STAT4: variants seen among roughly 807,000 people sequenced by gnomAD.
The protein encoded by STAT4 is signal transducer and activator of transcription 4.
STAT4 carries 42 observed loss-of-function variants against 110.5 expected under a neutral mutation model. The observed-to-expected ratio is 0.38, with a 90% confidence interval of 0.30 to 0.49. STAT4 has a LOEUF of 0.49. Among genes scored for constraint, STAT4 ranks in the 20% least tolerant of loss-of-function variants. STAT4 has a pLI of 0.95. For missense variants in STAT4, 632 were observed against 887.9 expected (o/e 0.71, Z 3.66); for synonymous variants, 284 against 302.2 (o/e 0.94, Z 0.63).
upstream of STAT4, chr2:191,151,338 A>C: frequency 2.0e-6 from 2 of 985,548 alleles, no homozygotes; most frequent in Non-Finnish European, 2.4e-6. The surrounding 1 kb of genome is among the most constrained non-coding windows in gnomAD (Gnocchi z 4.7). Context: ...ACTTACCTGG[A>C]GCCCAGTTCT....
chr2:191,041,925 T>G (rs1696210436), intron 14 of STAT4, among the ~76,000 whole-genome samples: 1 of 152,114 alleles, frequency 6.6e-6, no homozygotes, highest in Non-Finnish European at 1.5e-5. Flanking sequence ...GGGAACAAGG[T>G]CAAGCTGCAG....
intron 3 of STAT4, among the ~76,000 whole-genome samples, chr2:191,145,212 G>A (rs1699431291): frequency 6.6e-6 from 1 of 152,042 alleles, no homozygotes; most frequent in Admixed American, 6.6e-5. Flanking sequence ...TAGTGTAAAA[G>A]CAATCATAAA....
Position 191,146,469 on chromosome 2 carries a change from T to G in STAT4, c.273+144A>C, listed in dbSNP as rs145241156. ...CATGAAAAATGTTAGGTAATAAAAT[T>G]GAGCACAAAATTTGTAAGTGGTAAG... On this transcript the variant is annotated intron_variant, in intron 3 of 23. Coordinates refer to ENST00000392320, the MANE Select transcript of STAT4 (RefSeq NM_003151.4). The surrounding 1 kb of genome is among the most constrained non-coding windows in gnomAD (Gnocchi z 4.5). 902 of 687,088 alleles carry G rather than the reference T, an allele frequency of 1.3e-3. 8 individuals are homozygous for G. Among genetic ancestry groups the G allele is most frequent in the East Asian group, 6.2e-3 (187 of 30,250 alleles). 42.6% of individuals were successfully genotyped at this position (687,088 alleles called of 1,614,324 possible).
At position 191,142,793 on chromosome 2, in the gene STAT4, C is replaced by T. The variant is rs1187121145; in HGVS notation, c.273+3820G>A. On this transcript the variant is annotated intron_variant, in intron 3 of 23. Coordinates refer to ENST00000392320, the MANE Select transcript of STAT4 (RefSeq NM_003151.4). The surrounding 1 kb of genome is among the most constrained non-coding windows in gnomAD (Gnocchi z 4.1). ...AGAAAAATCCAGAGAGTGAAAAGATCGGTAGTGTTCAGGGGCTCCGTGGGA... is the reference window on the plus strand; with the variant it reads ...AGAAAAATCCAGAGAGTGAAAAGATTGGTAGTGTTCAGGGGCTCCGTGGGA... Among the ~76,000 whole-genome samples, 2 of 151,916 alleles carry T rather than the reference C, an allele frequency of 1.3e-5. No individual in the cohort carries two copies. Among genetic ancestry groups the T allele is most frequent in the Admixed American group, 6.6e-5 (1 of 15,244 alleles).
At position 191,082,884 on chromosome 2, in the gene STAT4, C is replaced by T. The variant is rs1697525544; in HGVS notation, c.274-6559G>A. On this transcript the variant is annotated intron_variant, in intron 3 of 23. Transcript: ENST00000392320. This position sits in a 1 kb window ranked among gnomAD's most constrained non-coding sequence, Gnocchi z 4.7. ...CTCCTCTGAGTTCTTTTCCCAGTGG[C>T]CCTCTTAAAAATGTAAACACATTTG... Among the ~76,000 whole-genome samples the T allele has an allele frequency of 6.6e-6, 1 of 152,118 alleles. No individual in the cohort carries two copies.
In STAT4 at chr2:191,077,641, G is replaced by A. The variant is rs1002543143; in HGVS notation, c.274-1316C>T. On this transcript the variant is annotated intron_variant, in intron 3 of 23. Coordinates refer to ENST00000392320, the MANE Select transcript of STAT4 (RefSeq NM_003151.4). The surrounding 1 kb of genome is among the most constrained non-coding windows in gnomAD (Gnocchi z 4.1). ...TTTTCTAGAGAAAAAATAGGTTATC[G>A]GTTGTAAACTTTTTTGACTTTGACT... is the stretch of plus-strand genomic sequence containing the variant. 2.0e-5 allele frequency among the ~76,000 whole-genome samples: 3 copies of A among 152,136 alleles called. 1 individual carries two copies. Among genetic ancestry groups the A allele is most frequent in the Non-Finnish European group, 1.5e-5 (1 of 67,970 alleles).
chr2:191,116,066 G>T lies in STAT4; in HGVS notation c.273+30547C>A, dbSNP rs1207289477. On this transcript the variant is annotated intron_variant, in intron 3 of 23. Transcript: ENST00000392320. The surrounding 1 kb of genome is among the most constrained non-coding windows in gnomAD (Gnocchi z 4.1). ...TGACCACAGAAAAAACTTAGAATGTGTTGGATTGTCAGAAAAACTTCATTT... is the reference window on the plus strand; with the variant it reads ...TGACCACAGAAAAAACTTAGAATGTTTTGGATTGTCAGAAAAACTTCATTT... Among the ~76,000 whole-genome samples, 1 of 152,180 alleles carries T rather than the reference G, an allele frequency of 6.6e-6. No homozygotes were observed. Among genetic ancestry groups the T allele is most frequent in the African/African-American group, 2.4e-5 (1 of 41,448 alleles).
At position 191,140,035 on chromosome 2, in the gene STAT4, A is replaced by G. The variant is rs1041823826; in HGVS notation, c.273+6578T>C. 1.3e-5 allele frequency among the ~76,000 whole-genome samples: 2 copies of G among 152,218 alleles called. No homozygotes were observed. Among genetic ancestry groups the G allele is most frequent in the Admixed American group, 6.5e-5 (1 of 15,278 alleles). ...ACCCTATTCAATATATGGGCTGGGA[A>G]AACTGGCAAGCCACATGTAGAAGAA... On this transcript the variant is annotated intron_variant, in intron 3 of 23. Transcript: ENST00000392320. This position sits in a 1 kb window ranked among gnomAD's most constrained non-coding sequence, Gnocchi z 4.4.
At chr2:191,085,257 A>G (rs1697606452) in intron 3 of STAT4, among the ~76,000 whole-genome samples, 1 of 151,912 alleles carries the variant, frequency 6.6e-6, no homozygotes, top group East Asian at 1.9e-4. Flanking sequence ...AGTATTTAAA[A>G]CCTTTCATAT....
chr2:191,145,239 G>A (rs556823305), intron 3 of STAT4, among the ~76,000 whole-genome samples: 11 of 152,214 alleles, frequency 7.2e-5, no homozygotes, highest in African/African-American at 1.4e-4. Context: ...GTAAACCAAC[G>A]AGTGTGGCTG....
At chr2:191,057,115 CT>C (rs1053429125) in intron 13 of STAT4, among the ~76,000 whole-genome samples, 2 of 152,262 alleles carry the variant, frequency 1.3e-5, no homozygotes, top group Admixed American at 1.3e-4. Flanking sequence ...GAATTTATTC[CT>C]TTTATCTAAC....
At chr2:191,054,608 G>A (rs908285971) in intron 13 of STAT4, 74 bp from the exon 14 acceptor site, 39 of 1,376,298 alleles carry the variant, frequency 2.8e-5, no homozygotes, top group Non-Finnish European at 3.1e-5. Context: ...CGTACCTGTT[G>A]CGGTCATTTT....
upstream of STAT4, chr2:191,151,555 T>C: frequency 1.0e-6 from 1 of 985,584 alleles, no homozygotes; most frequent in Non-Finnish European, 1.2e-6. This position sits in a 1 kb window ranked among gnomAD's most constrained non-coding sequence, Gnocchi z 4.7. Context: ...TTGCCCTTCC[T>C]GACCTAGCCT....
intron 14 of STAT4, among the ~76,000 whole-genome samples, chr2:191,049,889 AG>A (rs1274516323): frequency 1.3e-5 from 2 of 152,242 alleles, no homozygotes; most frequent in Non-Finnish European, 2.9e-5. Context: ...CCCTCAAAAA[AG>A]TGTTGCAACT....
chr2:191,131,745 G>A, intron 3 of STAT4: 1 of 1,268,626 alleles, frequency 7.9e-7, no homozygotes, highest in Non-Finnish European at 1.0e-6. Context: ...AGAAGGAATA[G>A]ATGGGTACTA....
chr2:191,148,649 G>T (rs562895146), intron 1 of STAT4, among the ~76,000 whole-genome samples: 1 of 152,154 alleles, frequency 6.6e-6, no homozygotes, highest in Non-Finnish European at 1.5e-5. Context: ...CCCCCAAGAA[G>T]CTTCTTTTAT....
At chr2:191,132,620 T>C (rs1574188860) in intron 3 of STAT4, among the ~76,000 whole-genome samples, 1 of 151,666 alleles carries the variant, frequency 6.6e-6, no homozygotes, top group African/African-American at 2.4e-5. Flanking sequence ...AATTGGCAGG[T>C]GGGGATGGGA....
At chr2:191,139,611 A>G (rs1408619726) in intron 3 of STAT4, among the ~76,000 whole-genome samples, 1 of 152,230 alleles carries the variant, frequency 6.6e-6, no homozygotes, top group Non-Finnish European at 1.5e-5. Flanking sequence ...ATATAACATG[A>G]ACAAATGGAA....
At position 191,041,072 on chromosome 2, in the gene STAT4, T is replaced by C; in HGVS notation, c.1328A>G (p.Asp443Gly). 6.9e-7 allele frequency: 1 copy of C among 1,455,802 alleles called. No homozygotes were observed. Among genetic ancestry groups the C allele is most frequent in the Non-Finnish European group, 9.1e-7 (1 of 1,098,434 alleles). The allele number at this position is 1,455,802 out of a possible 1,614,324, so 90.2% of individuals were successfully genotyped here. A position where few individuals can be genotyped will look rare whatever the true frequency, so the allele number is the denominator to read the frequency against. Reference sequence around the variant, plus strand: ...TGTTCTTGAAACACCTACCTCCAAATCTATGGTCAGGCCATAGAGGCAGAT... The same window carrying C: ...TGTTCTTGAAACACCTACCTCCAAACCTATGGTCAGGCCATAGAGGCAGAT... ...TQICLYGLTI[D>G]LETSSLPVVM... is the part of the protein sequence containing the mutation. The change falls in exon 15 of 24, where the codon GAT (aspartate) becomes GGT (glycine). Residue 443 changes from aspartate (D) to glycine (G), a missense_variant. Asp to Gly is a moderately conservative substitution (Grantham distance 94). This residue lies in a region of STAT4 where 488 missense variants were observed against 632.8 expected (regional missense o/e 0.77). Coordinates refer to ENST00000392320, the MANE Select transcript of STAT4 (RefSeq NM_003151.4).
Sources: allele counts gnomAD v4.1 joint callset (sites outside exome capture counted in the v4.1 genomes callset), GRCh38; gene constraint gnomAD v4.1.1; regional missense constraint gnomAD v4.1.1; non-coding constraint Gnocchi (gnomAD v3.1); transcripts MANE v1.5; gene names NCBI Gene and HGNC (gene_info 2026-07-23, HGNC 2026-07-21).